The following NAP1L3 variants were observed in gnomAD, a reference collection of about 807,000 sequenced individuals.
The protein encoded by NAP1L3 is nucleosome assembly protein 1-like 3.
For missense variants in NAP1L3, 378 were observed against 369.9 expected (o/e 1.02, Z -0.18); for synonymous variants, 127 against 131.9 (o/e 0.96, Z 0.25).
rs762029777 is a variant in NAP1L3 at position 93,671,683 on chromosome X, A to G, written c.*101T>C. ...CAAAAACTTGACTATAAGGAATAAT[A>G]GTGTTCAGGTTACAGGTCAGGGTTT... On this transcript the variant is annotated 3_prime_UTR_variant, in exon 1 of 1. Coordinates refer to ENST00000373079, the MANE Select transcript of NAP1L3 (RefSeq NM_004538.6). The G allele has an allele frequency of 4.3e-5, 46 of 1,078,520 alleles. No individual in the cohort carries two copies. Among genetic ancestry groups the G allele is most frequent in the Non-Finnish European group, 5.3e-5 (44 of 829,644 alleles). The allele number at this position is 1,078,520 out of a possible 1,213,427, so 88.9% of individuals were successfully genotyped here.
chrX:93,673,459 T>G lies in NAP1L3; in HGVS notation c.-155A>C, dbSNP rs1924459916. 9 of 934,799 alleles carry G rather than the reference T, an allele frequency of 9.6e-6. No individual in the cohort carries two copies. The East Asian group carries it at 2.1e-4, about 22-fold the overall frequency. The allele number at this position is 934,799 out of a possible 1,213,427, so 77.0% of individuals were successfully genotyped here. On this transcript the variant is annotated 5_prime_UTR_variant, in exon 1 of 1. Transcript: ENST00000373079. ...CGCAGAGCGGAGCTGGAGCTGGGGATGCAGAGGCCGGCGCTGAGGTGGCAG... is the reference window on the plus strand; with the variant it reads ...CGCAGAGCGGAGCTGGAGCTGGGGAGGCAGAGGCCGGCGCTGAGGTGGCAG...
At position 93,673,541 on chromosome X, in the gene NAP1L3, A is replaced by G. The variant is rs924380754; in HGVS notation, c.-237T>C. 9.2e-5 allele frequency: 39 copies of G among 423,951 alleles called. No homozygotes were observed. The highest frequency in any genetic ancestry group is 1.5e-4 in the Non-Finnish European group (38 of 254,594). 34.9% of individuals were successfully genotyped at this position (423,951 alleles called of 1,213,427 possible). A position where few individuals can be genotyped will look rare whatever the true frequency, so the allele number is the denominator to read the frequency against. ...GGCAAGGCCTCTCCCGGCTGCAGCT[A>G]GAGTGCCGAGATGTACCGCAGCCGA... On this transcript the variant is annotated 5_prime_UTR_variant, in exon 1 of 1. Transcript: ENST00000373079.
Position 93,673,231 on chromosome X carries a change from G to GAGCT in NAP1L3, c.70_73dup (p.Ser25Ter). 8.3e-7 allele frequency: 1 copy of GAGCT among 1,209,985 alleles called. No homozygotes were observed. The highest frequency in any genetic ancestry group is 1.1e-6 in the Non-Finnish European group (1 of 894,322). On this transcript the variant is annotated stop_gained and frameshift_variant, in exon 1 of 1. Coordinates refer to ENST00000373079, the MANE Select transcript of NAP1L3 (RefSeq NM_004538.6). LOFTEE classifies it low-confidence loss of function (END_TRUNC). ...AGATTCTTCCCCAGAATCACTAGTC[G>GAGCT]AGCTAGCCATCTCCTCTTCGGCAAC...
chrX:93,671,613 A>T lies in NAP1L3; in HGVS notation c.*171T>A, dbSNP rs1924359246. On this transcript the variant is annotated 3_prime_UTR_variant, in exon 1 of 1. Coordinates refer to ENST00000373079, the MANE Select transcript of NAP1L3 (RefSeq NM_004538.6). Reference sequence around the variant, plus strand: ...CTAGATAGAATAAACTGGCACTTAGACACTTTTTAGGACTATTTTTAAAAT... The same window carrying T: ...CTAGATAGAATAAACTGGCACTTAGTCACTTTTTAGGACTATTTTTAAAAT... The T allele has an allele frequency of 1.3e-6, 1 of 750,694 alleles. No homozygotes were observed. The highest frequency in any genetic ancestry group is 3.6e-5 in the East Asian group (1 of 27,811). The allele number at this position is 750,694 out of a possible 1,213,427, so 61.9% of individuals were successfully genotyped here.
Position 93,673,075 on chromosome X carries a change from T to C in NAP1L3, c.230A>G (p.Lys77Arg). 3.3e-6 allele frequency: 4 copies of C among 1,210,605 alleles called. No individual in the cohort carries two copies. The highest frequency in any genetic ancestry group is 4.5e-6 in the Non-Finnish European group (4 of 895,170). The change falls in exon 1 of 1, where the codon AAG becomes AGG. Residue 77 changes from lysine (K) to arginine (R), a missense_variant. Physicochemically the swap from Lys to Arg is conservative, Grantham distance 26 (BLOSUM62 2). Coordinates refer to ENST00000373079, the MANE Select transcript of NAP1L3 (RefSeq NM_004538.6). ...TCTGGAAGGCTCAGGTACCCTCTTC[T>C]TTCTATACAAGCGGCTGCGGCTGCT... ...STSSRSRLYR[K>R]KRVPEPSRRA...
rs1924424128 is a variant in NAP1L3 at position 93,673,027 on chromosome X, C to G, written c.278G>C (p.Gly93Ala). The G allele has an allele frequency of 1.7e-6, 2 of 1,210,363 alleles. No homozygotes were observed. Among genetic ancestry groups the G allele is most frequent in the Non-Finnish European group, 1.1e-6 (1 of 895,064 alleles). The change falls in exon 1 of 1, where the codon GGA (glycine) becomes GCA (alanine). Residue 93 changes from glycine to alanine, a missense_variant. By Grantham distance (60) the Gly-to-Ala change is moderately conservative. Transcript: ENST00000373079. The stretch of plus-strand genomic sequence containing the variant: ...AGGCAGCCTATCCACGAAATTTGTT[C>G]CCAACGGGGCCCGCCGCGCCCTTCT... ...PSRRARRAPL[G>A]TNFVDRLPQA...
Position 93,672,462 on chromosome X carries a change from A to G in NAP1L3, c.843T>C (p.His281=). 8.3e-7 allele frequency: 1 copy of G among 1,211,367 alleles called. No individual in the cohort carries two copies. Among genetic ancestry groups the G allele is most frequent in the Non-Finnish European group, 1.1e-6 (1 of 895,469 alleles). ...GAAGCCTTTCCTCAGGAACTCTTTT[A>G]TGAGTCTCTCTTACTGCAGCCCTTG... The part of the protein sequence containing the change: ...AKARAAVRET[H]KRVPEERLQD... The change falls in exon 1 of 1, where the codon CAT becomes CAC. Residue 281 remains histidine, a synonymous_variant. Transcript: ENST00000373079.
At position 93,672,257 on chromosome X, in the gene NAP1L3, G is replaced by A. The variant is rs757176706; in HGVS notation, c.1048C>T (p.Pro350Ser). The A allele has an allele frequency of 8.3e-7, 1 of 1,211,743 alleles. No homozygotes were observed. Among genetic ancestry groups the A allele is most frequent in the Non-Finnish European group, 1.1e-6 (1 of 895,536 alleles). Residue 350 changes from proline to serine, a missense_variant, in exon 1 of 1, where the codon CCT becomes TCT. Transcript: ENST00000373079. ...AAGGTGTAACTTACAGGCTGGCCAG[G>A]TTTTGAGAACTTCAGGCTAACATCC... Reference protein sequence around the residue: ...LSDVSLKFSKPGQPVSYTFEF... With the variant: ...LSDVSLKFSKSGQPVSYTFEF...
rs781248158 is a variant in NAP1L3 at position 93,672,847 on chromosome X, G to A, written c.458C>T (p.Ala153Val). ...LYDRRFQIIN[A>V]EYEPTEEECE... Reference sequence around the variant, plus strand: ...TTCTTCTTCTGTAGGCTCGTATTCTGCATTGATGATTTGAAACCGCCTATC... The same window carrying A: ...TTCTTCTTCTGTAGGCTCGTATTCTACATTGATGATTTGAAACCGCCTATC... Residue 153 changes from alanine to valine, a missense_variant, in exon 1 of 1, where the codon GCA becomes GTA. Coordinates refer to ENST00000373079, the MANE Select transcript of NAP1L3 (RefSeq NM_004538.6). 1 of 1,211,344 alleles carries A rather than the reference G, an allele frequency of 8.3e-7. No homozygotes were observed. Among genetic ancestry groups the A allele is most frequent in the Non-Finnish European group, 1.1e-6 (1 of 895,494 alleles).
chrX:93,673,278 G>A lies in NAP1L3; in HGVS notation c.27C>T (p.Val9=). 1 of 1,193,265 alleles carries A rather than the reference G, an allele frequency of 8.4e-7. No homozygotes were observed. Among genetic ancestry groups the A allele is most frequent in the Middle Eastern group, 2.4e-4 (1 of 4,225 alleles). The change falls in exon 1 of 1, where the codon GTC becomes GTT. Residue 9 remains valine (V), a synonymous_variant. Coordinates refer to ENST00000373079, the MANE Select transcript of NAP1L3 (RefSeq NM_004538.6). The part of the protein sequence containing the change: MAEADFKM[V]SEPVAHGVAE... ...CAACCCCATGGGCGACAGGTTCCGAGACCATTTTAAAATCTGCTTCTGCCA... is the reference window on the plus strand; with the variant it reads ...CAACCCCATGGGCGACAGGTTCCGAAACCATTTTAAAATCTGCTTCTGCCA...
Position 93,672,540 on chromosome X carries a change from G to A in NAP1L3, c.765C>T (p.Val255=). The change falls in exon 1 of 1, where the codon GTC becomes GTT. Residue 255 remains valine, a synonymous_variant. Transcript: ENST00000373079. ...TPEVKEDPKE[V]PQVKADDKEQ... ...CTTTATCATCTGCCTTTACCTGGGG[G>A]ACTTCTTTAGGATCTTCTTTTACTT... 1.7e-6 allele frequency: 2 copies of A among 1,209,300 alleles called. No individual in the cohort carries two copies. The highest frequency in any genetic ancestry group is 3.0e-5 in the East Asian group (1 of 33,718).
At position 93,672,596 on chromosome X, in the gene NAP1L3, C is replaced by T. The variant is rs372358999; in HGVS notation, c.709G>A (p.Asp237Asn). The T allele has an allele frequency of 3.1e-5, 38 of 1,209,652 alleles. No homozygotes were observed. Among genetic ancestry groups the T allele is most frequent in the African/African-American group, 2.5e-4 (14 of 57,058 alleles). ...IPEVKAEEKADSKDCMEATPE... is the reference protein window; with the variant it reads ...IPEVKAEEKANSKDCMEATPE... The stretch of plus-strand genomic sequence containing the variant: ...GTTGCCTCCATACAGTCTTTAGAAT[C>T]TGCTTTTTCTTCAGCCTTTACCTCA... Residue 237 changes from aspartate (D) to asparagine (N), a missense_variant, in exon 1 of 1, where the codon GAT (aspartate) becomes AAT (asparagine). Asp to Asn is a conservative substitution (Grantham distance 23). Transcript: ENST00000373079.
At position 93,672,467 on chromosome X, in the gene NAP1L3, T is replaced by G; in HGVS notation, c.838A>C (p.Thr280Pro). 8.3e-7 allele frequency: 1 copy of G among 1,211,407 alleles called. No individual in the cohort carries two copies. Among genetic ancestry groups the G allele is most frequent in the Non-Finnish European group, 1.1e-6 (1 of 895,462 alleles). Residue 280 changes from threonine (T) to proline (P), a missense_variant, in exon 1 of 1, where the codon ACT (threonine) becomes CCT (proline). Transcript: ENST00000373079. Reference sequence around the variant, plus strand: ...CTTTCCTCAGGAACTCTTTTATGAGTCTCTCTTACTGCAGCCCTTGCCTTA... The same window carrying G: ...CTTTCCTCAGGAACTCTTTTATGAGGCTCTCTTACTGCAGCCCTTGCCTTA... Reference protein sequence around the residue: ...EAKARAAVRETHKRVPEERLQ... With the variant: ...EAKARAAVREPHKRVPEERLQ...
In NAP1L3 at chrX:93,671,796, T is replaced by A; in HGVS notation, c.1509A>T (p.Lys503Asn). 8.4e-7 allele frequency: 1 copy of A among 1,190,757 alleles called. No homozygotes were observed. The highest frequency in any genetic ancestry group is 1.1e-6 in the Non-Finnish European group (1 of 885,515). ...YQFGKHYGNK[K>N]YRK The stretch of plus-strand genomic sequence containing the variant: ...CTTTCAGATTGACTTATTTTCTGTA[T>A]TTCTTGTTTCCATAATGTTTGCCAA... Residue 503 changes from lysine to asparagine, a missense_variant, in exon 1 of 1, where the codon AAA (lysine) becomes AAT (asparagine). Transcript: ENST00000373079.
Position 93,671,551 on chromosome X carries a change from A to G in NAP1L3, c.*233T>C. ...TAACATGCTTTAGATAATTGACAAC[A>G]GCTTACATATTTTGAAGAATATTAT... On this transcript the variant is annotated 3_prime_UTR_variant, in exon 1 of 1. Coordinates refer to ENST00000373079, the MANE Select transcript of NAP1L3 (RefSeq NM_004538.6). 5.3e-6 allele frequency: 2 copies of G among 375,593 alleles called. No homozygotes were observed. Among genetic ancestry groups the G allele is most frequent in the Non-Finnish European group, 8.5e-6 (2 of 236,496 alleles). 31.0% of individuals were successfully genotyped at this position (375,593 alleles called of 1,213,427 possible).
In NAP1L3 at chrX:93,672,864, C is replaced by T. The variant is rs1569341499; in HGVS notation, c.441G>A (p.Arg147=). Residue 147 remains arginine (R), a synonymous_variant, in exon 1 of 1, where the codon CGG becomes CGA. Transcript: ENST00000373079. ...AELNKPLYDR[R]FQIINAEYEP... is the part of the protein sequence containing the mutation. ...CGTATTCTGCATTGATGATTTGAAACCGCCTATCATACAGAGGCTTGTTGA... is the reference window on the plus strand; with the variant it reads ...CGTATTCTGCATTGATGATTTGAAATCGCCTATCATACAGAGGCTTGTTGA... The T allele has an allele frequency of 1.7e-6, 2 of 1,211,659 alleles. No individual in the cohort carries two copies. The highest frequency in any genetic ancestry group is 5.9e-5 in the East Asian group (2 of 33,842).
At position 93,671,621 on chromosome X, in the gene NAP1L3, TA is replaced by T. The variant is rs1924359834; in HGVS notation, c.*162del. 1.2e-6 allele frequency: 1 copy of T among 833,522 alleles called. No individual in the cohort carries two copies. The highest frequency in any genetic ancestry group is 2.1e-5 in the African/African-American group (1 of 48,083). The allele number at this position is 833,522 out of a possible 1,213,427, so 68.7% of individuals were successfully genotyped here. A position where few individuals can be genotyped will look rare whatever the true frequency, so the allele number is the denominator to read the frequency against. The stretch of plus-strand genomic sequence containing the variant: ...AATAAACTGGCACTTAGACACTTTT[TA>T]GGACTATTTTTAAAATATAGACTAC... On this transcript the variant is annotated 3_prime_UTR_variant, in exon 1 of 1. Transcript: ENST00000373079.
rs1400609874 is a variant in NAP1L3, at chrX:93,671,846, C to A, written c.1459G>T (p.Glu487Ter). 8.3e-7 allele frequency: 1 copy of A among 1,210,959 alleles called. No individual in the cohort carries two copies. Among genetic ancestry groups the A allele is most frequent in the Non-Finnish European group, 1.1e-6 (1 of 895,152 alleles). ...ILKSIYYYTG[E>*]VNGTYYQFGK... ...AATTGATAGTAGGTACCATTGACTTCTCCAGTATAGTAATAGATTGATTTC... is the reference window on the plus strand; with the variant it reads ...AATTGATAGTAGGTACCATTGACTTATCCAGTATAGTAATAGATTGATTTC... Residue 487 changes from glutamate (E) to a stop codon, truncating the protein, a stop_gained, in exon 1 of 1, where the codon GAA (glutamate) becomes TAA (stop). Coordinates refer to ENST00000373079, the MANE Select transcript of NAP1L3 (RefSeq NM_004538.6). LOFTEE classifies it low-confidence loss of function (END_TRUNC).
rs756736456 is a variant in NAP1L3 at position 93,672,363 on chromosome X, A to G, written c.942T>C (p.Tyr314=). 1.9e-5 allele frequency: 23 copies of G among 1,211,368 alleles called. No homozygotes were observed. The highest frequency in any genetic ancestry group is 2.6e-5 in the Non-Finnish European group (23 of 895,433). Residue 314 remains tyrosine (Y), a synonymous_variant, in exon 1 of 1, where the codon TAT becomes TAC. Coordinates refer to ENST00000373079, the MANE Select transcript of NAP1L3 (RefSeq NM_004538.6). The stretch of plus-strand genomic sequence containing the variant: ...CAACATTCTTTAAAACAATCAGCCA[A>G]TAGTCAGGAATGCCTTTAGGGTCTT... The part of the protein sequence containing the change: ...KREDPKGIPD[Y]WLIVLKNVDK...
Sources: gnomAD v4.1 joint callset for allele counts on GRCh38, gnomAD v4.1.1 for gene constraint, MANE v1.5 for transcripts, NCBI Gene and HGNC (gene_info 2026-07-23, HGNC 2026-07-21) for gene names.